SUCLG2: variants seen among roughly 807,000 people sequenced by gnomAD.
The protein encoded by SUCLG2 is succinate--CoA ligase [GDP-forming] subunit beta, mitochondrial.
Under a neutral mutation model 47.9 loss-of-function variants are expected in SUCLG2, and 42 were observed. That is an observed-to-expected ratio of 0.88 (90% CI 0.69 to 1.14). The LOEUF (loss-of-function observed/expected upper bound fraction) is 1.14, where lower values mean the gene tolerates loss of function less well. Among genes scored for constraint, SUCLG2 ranks in the 50% most tolerant of loss-of-function variants. SUCLG2 has a pLI of 0.00. For missense variants in SUCLG2, 571 were observed against 525.9 expected (o/e 1.09, Z -0.84); for synonymous variants, 195 against 197.3 (o/e 0.99, Z 0.10).
Position 67,446,354 on chromosome 3 carries a change from T to TAAAA in SUCLG2, c.1063-45507_1063-45504dup, listed in dbSNP as rs372575700. 5.0e-3 allele frequency among the ~76,000 whole-genome samples: 87 copies of TAAAA among 17,406 alleles called. 20 individuals carry two copies. Among genetic ancestry groups the TAAAA allele is most frequent in the East Asian group, 0.027 (14 of 514 alleles). The allele number at this position is 17,406 out of a possible 152,430, so 11.4% of individuals were successfully genotyped here. A position where few individuals can be genotyped will look rare whatever the true frequency, so the allele number is the denominator to read the frequency against. On this transcript the variant is annotated intron_variant, in intron 9 of 10. Coordinates refer to ENST00000307227, the MANE Select transcript of SUCLG2 (RefSeq NM_003848.4). ...TAATGCTGCTATAAACATTTGTATA[T>TAAAA]AAAAAAAAAAAAAAAAAAAAAGAAA...
chr3:67,645,614 T>C (rs1349423339), intron 1 of SUCLG2, among the ~76,000 whole-genome samples: 2 of 152,108 alleles, frequency 1.3e-5, no homozygotes, highest in Non-Finnish European at 2.9e-5. Context: ...CCTGTATTGT[T>C]GGCTTTCAAT....
intron 1 of SUCLG2, among the ~76,000 whole-genome samples, chr3:67,619,605 G>A (rs1473762477): frequency 4.6e-5 from 7 of 152,176 alleles, no homozygotes; most frequent in Admixed American, 3.9e-4. Context: ...AGAGGTTGCT[G>A]GATCGGTTTC....
intron 10 of SUCLG2, among the ~76,000 whole-genome samples, chr3:67,390,980 A>T (rs536850434): frequency 1.3e-5 from 2 of 152,204 alleles, no homozygotes; most frequent in Non-Finnish European, 2.9e-5. Context: ...TATGACTCCA[A>T]GTTGAGCTCT....
chr3:67,454,673 A>G (rs2106943754), intron 9 of SUCLG2, among the ~76,000 whole-genome samples: 1 of 152,292 alleles, frequency 6.6e-6, no homozygotes, highest in South Asian at 2.1e-4. Flanking sequence ...ACAACATGTA[A>G]GAAAATGGGC....
chr3:67,551,170 GACAGT>G (rs1279588069), intron 2 of SUCLG2, among the ~76,000 whole-genome samples: 2 of 152,146 alleles, frequency 1.3e-5, no homozygotes, highest in Non-Finnish European at 2.9e-5. Flanking sequence ...TGGTTGATGA[GACAGT>G]ACAAAGTTAA....
chr3:67,649,188 A>T (rs189784408), intron 1 of SUCLG2, among the ~76,000 whole-genome samples: 1 of 152,318 alleles, frequency 6.6e-6, no homozygotes. Flanking sequence ...GACACAGGGT[A>T]AGTGGTTGAC....
chr3:67,411,330 C>T (rs2106837189), intron 9 of SUCLG2, among the ~76,000 whole-genome samples: 1 of 152,014 alleles, frequency 6.6e-6, no homozygotes, highest in Non-Finnish European at 1.5e-5. Flanking sequence ...ATGGCAAAAC[C>T]CACTGTTTCT....
chr3:67,534,612 A>G (rs1415492443), intron 2 of SUCLG2, among the ~76,000 whole-genome samples: 2 of 151,760 alleles, frequency 1.3e-5, no homozygotes, highest in Admixed American at 6.6e-5. Flanking sequence ...GAAAAACCCA[A>G]TTCAGTTGTA....
intron 9 of SUCLG2, among the ~76,000 whole-genome samples, chr3:67,402,930 G>A (rs1279687073): frequency 6.6e-6 from 1 of 152,188 alleles, no homozygotes; most frequent in Non-Finnish European, 1.5e-5. Flanking sequence ...AGGCAGGAGT[G>A]AGGGATAGGA....
intron 2 of SUCLG2, among the ~76,000 whole-genome samples, chr3:67,561,855 CACTT>C (rs1352136415): frequency 5.3e-5 from 8 of 152,208 alleles, no homozygotes; most frequent in Non-Finnish European, 8.8e-5. Context: ...ACATGACACA[CACTT>C]ACATGCAGAG....
At chr3:67,584,580 G>C (rs1268538732) in intron 2 of SUCLG2, among the ~76,000 whole-genome samples, 2 of 152,044 alleles carry the variant, frequency 1.3e-5, no homozygotes, top group Non-Finnish European at 2.9e-5. Context: ...TTTGTTCTTT[G>C]TGTTGCCAAA....
chr3:67,537,507 G>A (rs1248116273), intron 2 of SUCLG2, among the ~76,000 whole-genome samples: 2 of 152,110 alleles, frequency 1.3e-5, no homozygotes. Context: ...CTTTGCTATT[G>A]TGCACAGTGC....
chr3:67,654,273 T>G (rs546924613), intron 1 of SUCLG2, among the ~76,000 whole-genome samples: 1 of 152,266 alleles, frequency 6.6e-6, no homozygotes, highest in Non-Finnish European at 1.5e-5. Context: ...TCTAGTGCGT[T>G]GGGTCGCTCA....
chr3:67,479,067 C>T (rs1351343850), intron 9 of SUCLG2, among the ~76,000 whole-genome samples: 1 of 152,172 alleles, frequency 6.6e-6, no homozygotes, highest in Non-Finnish European at 1.5e-5. Flanking sequence ...CTAAGACAGA[C>T]ATGAACATCC....
At chr3:67,415,121 A>C (rs1190052351) in intron 9 of SUCLG2, among the ~76,000 whole-genome samples, 2 of 152,188 alleles carry the variant, frequency 1.3e-5, no homozygotes, top group African/African-American at 2.4e-5. Context: ...CTCCCAAAGT[A>C]CTGGGATTAC....
chr3:67,378,742 C>T (rs988859112), intron 10 of SUCLG2, among the ~76,000 whole-genome samples: 1 of 152,170 alleles, frequency 6.6e-6, no homozygotes, highest in African/African-American at 2.4e-5. Context: ...AGGTAAGTAA[C>T]ACAGATGTAA....
chr3:67,553,473 A>C (rs1707070869), intron 2 of SUCLG2, among the ~76,000 whole-genome samples: 1 of 152,212 alleles, frequency 6.6e-6, no homozygotes, highest in Non-Finnish European at 1.5e-5. Context: ...AATGTAATTC[A>C]CTTTCAAGGG....
chr3:67,516,650 T>C (rs550894383), intron 6 of SUCLG2, among the ~76,000 whole-genome samples: 11 of 152,296 alleles, frequency 7.2e-5, no homozygotes, highest in Admixed American at 6.5e-4. Flanking sequence ...TAAAAATAGA[T>C]GCCAAGCACT....
chr3:67,420,228 T>C (rs1335692548), intron 9 of SUCLG2, among the ~76,000 whole-genome samples: 1 of 152,244 alleles, frequency 6.6e-6, no homozygotes, highest in Non-Finnish European at 1.5e-5. Flanking sequence ...TCCAACCATT[T>C]GTCACAAGTC....
Sources: allele counts gnomAD v4.1 joint callset (sites outside exome capture counted in the v4.1 genomes callset), GRCh38; gene constraint gnomAD v4.1.1; transcripts MANE v1.5; gene names NCBI Gene and HGNC (gene_info 2026-07-23, HGNC 2026-07-21).